Variants in INSIG1 observed in about 807,000 individuals in gnomAD.
The protein encoded by INSIG1 is insulin-induced gene 1 protein.
INSIG1 carries 14 observed loss-of-function variants against 26.5 expected under a neutral mutation model. The observed-to-expected ratio is 0.53, with a 90% confidence interval of 0.35 to 0.83. The LOEUF (loss-of-function observed/expected upper bound fraction) is 0.83, where lower values mean the gene tolerates loss of function less well. INSIG1 is among the 40% of genes least tolerant of loss of function. The pLI, the probability that INSIG1 is intolerant of heterozygous loss-of-function variation, is 0.01. For synonymous variants in INSIG1, 147 were observed against 153.3 expected (o/e 0.96, Z 0.30); for missense variants, 272 against 368.9 (o/e 0.74, Z 2.15).
rs780148704 is a variant in INSIG1, at chr7:155,308,293, A to C, written c.*23A>C. ...TGAGTCTTCAAAACCACCGATTCTG[A>C]GAGCAAGGAAGATTTTGGAAGAAAA... On this transcript the variant is annotated 3_prime_UTR_variant, in exon 6 of 6. Transcript: ENST00000340368. The C allele has an allele frequency of 6.2e-7, 1 of 1,612,848 alleles. No individual in the cohort carries two copies. Among genetic ancestry groups the C allele is most frequent in the Admixed American group, 1.7e-5 (1 of 59,996 alleles).
intron 5 of INSIG1, 88 bp from the exon 6 acceptor site, chr7:155,308,153 T>C: frequency 1.4e-6 from 1 of 694,364 alleles, no homozygotes; most frequent in Non-Finnish European, 2.5e-6. Context: ...ATCTTTCCCA[T>C]GTTAGGACCT....
chr7:155,306,071 C>T lies in INSIG1; in HGVS notation c.805-2170C>T, dbSNP rs529305167. Among the ~76,000 whole-genome samples the T allele has an allele frequency of 1.3e-3, 193 of 152,300 alleles. 1 individual carries two copies. The highest frequency in any genetic ancestry group is 4.4e-3 in the African/African-American group (184 of 41,562). On this transcript the variant is annotated intron_variant, in intron 5 of 5. Coordinates refer to ENST00000340368, the MANE Select transcript of INSIG1 (RefSeq NM_005542.6). ...AAAGTGCAGTGGCACAATCTTGGCT[C>T]ACTGCATTTGAACCGTCTCCCAGGT...
intron 5 of INSIG1, among the ~76,000 whole-genome samples, chr7:155,306,657 A>G (rs1447773041): frequency 6.6e-6 from 1 of 152,252 alleles, no homozygotes; most frequent in East Asian, 1.9e-4. Flanking sequence ...TCCTCATAAC[A>G]CAAGTCTTTG....
At chr7:155,303,201 G>A (rs1164170336) in intron 5 of INSIG1, among the ~76,000 whole-genome samples, 6 of 152,216 alleles carry the variant, frequency 3.9e-5, no homozygotes, top group African/African-American at 1.4e-4. Context: ...AGATCTGGAT[G>A]ACCTCATGCA....
rs1216029004 is a variant in INSIG1 at position 155,302,145 on chromosome 7, A to G, written c.538-106A>G. 2.5e-6 allele frequency: 2 copies of G among 814,862 alleles called. No individual in the cohort carries two copies. The highest frequency in any genetic ancestry group is 3.2e-5 in the Admixed American group (1 of 31,540). The allele number at this position is 814,862 out of a possible 1,614,324, so 50.5% of individuals were successfully genotyped here. On this transcript the variant is annotated intron_variant, in intron 3 of 5. Transcript: ENST00000340368. The surrounding 1 kb of genome is among the most constrained non-coding windows in gnomAD (Gnocchi z 4.3). ...ACACAGTTTTTATGGACAGTGAATT[A>G]TCTGTGGTACAATAATAAAATACCC...
intron 1 of INSIG1, 80 bp from the exon 2 acceptor site, chr7:155,298,179 G>A (rs1797672794): frequency 1.6e-6 from 2 of 1,221,838 alleles, no homozygotes; most frequent in Non-Finnish European, 2.1e-6. Flanking sequence ...CGCCTGGCCC[G>A]GGTGCCGGGG....
At position 155,301,691 on chromosome 7, in the gene INSIG1, G is replaced by A. The variant is rs778612897; in HGVS notation, c.537+1G>A. The A allele has an allele frequency of 1.3e-6, 2 of 1,555,780 alleles. No individual in the cohort carries two copies. Among genetic ancestry groups the A allele is most frequent in the Non-Finnish European group, 1.7e-6 (2 of 1,144,264 alleles). ...TGTTGGCATTAACCACGCCAGTGCT[G>A]TATCCTTAATTTTCTGTGCTACGTC... On this transcript the variant is annotated splice_donor_variant, in intron 3 of 5. Coordinates refer to ENST00000340368, the MANE Select transcript of INSIG1 (RefSeq NM_005542.6). LOFTEE classifies it high-confidence loss of function.
chr7:155,302,937 A>C lies in INSIG1; in HGVS notation c.804+91A>C. 1.1e-6 allele frequency: 1 copy of C among 878,586 alleles called. No homozygotes were observed. Among genetic ancestry groups the C allele is most frequent in the South Asian group, 1.5e-5 (1 of 67,490 alleles). 54.4% of individuals were successfully genotyped at this position (878,586 alleles called of 1,614,324 possible). Reference sequence around the variant, plus strand: ...ATGATACATTCAAATTTGCGTTCATATATTCTGGTTCAGACTTGAGTGACA... The same window carrying C: ...ATGATACATTCAAATTTGCGTTCATCTATTCTGGTTCAGACTTGAGTGACA... On this transcript the variant is annotated intron_variant, in intron 5 of 5. Transcript: ENST00000340368. The surrounding 1 kb of genome is among the most constrained non-coding windows in gnomAD (Gnocchi z 4.3).
chr7:155,300,558 A>C (rs539840317), intron 2 of INSIG1, among the ~76,000 whole-genome samples: 2 of 152,174 alleles, frequency 1.3e-5, no homozygotes, highest in East Asian at 3.8e-4. Flanking sequence ...GCCCTGGGAC[A>C]CAGTGACCCT....
chr7:155,300,926 G>A (rs1321450532), intron 2 of INSIG1, among the ~76,000 whole-genome samples: 2 of 152,232 alleles, frequency 1.3e-5, no homozygotes, highest in Non-Finnish European at 2.9e-5. Flanking sequence ...CGAAGCCTGT[G>A]TGGGGCTGTC....
At chr7:155,299,644 C>T (rs1797731680) in intron 2 of INSIG1, among the ~76,000 whole-genome samples, 1 of 152,178 alleles carries the variant, frequency 6.6e-6, no homozygotes, top group Non-Finnish European at 1.5e-5. Flanking sequence ...TCAGTGACTC[C>T]AGTGCAGTGC....
intron 2 of INSIG1, 70 bp downstream of exon 2, chr7:155,298,767 A>G: frequency 1.5e-6 from 2 of 1,368,900 alleles, no homozygotes; most frequent in Non-Finnish European, 1.0e-6. Context: ...TTTTCAGCCT[A>G]TAAGAAACAT....
Position 155,302,760 on chromosome 7 carries a change from G to C in INSIG1, c.718G>C (p.Asp240His). ...TTCTCGCTCCAGGTATACATCCCCA[G>C]ATTTCCTCTATATTCGTTCTTGGCT... ...YNGVYQYTSP[D>H]FLYIRSWLPC... The change falls in exon 5 of 6, where the codon GAT (aspartate) becomes CAT (histidine). Residue 240 changes from aspartate to histidine, a missense_variant. Coordinates refer to ENST00000340368, the MANE Select transcript of INSIG1 (RefSeq NM_005542.6). This position sits in a 1 kb window ranked among gnomAD's most constrained non-coding sequence, Gnocchi z 4.3. The C allele has an allele frequency of 6.2e-7, 1 of 1,610,242 alleles. No homozygotes were observed. The highest frequency in any genetic ancestry group is 8.5e-7 in the Non-Finnish European group (1 of 1,176,570).
Position 155,302,894 on chromosome 7 carries a change from T to C in INSIG1, c.804+48T>C, listed in dbSNP as rs1197284636. 2 of 1,249,570 alleles carry C rather than the reference T, an allele frequency of 1.6e-6. No individual in the cohort carries two copies. Among genetic ancestry groups the C allele is most frequent in the East Asian group, 2.3e-5 (1 of 43,200 alleles). 77.4% of individuals were successfully genotyped at this position (1,249,570 alleles called of 1,614,324 possible). A position where few individuals can be genotyped will look rare whatever the true frequency, so the allele number is the denominator to read the frequency against. On this transcript the variant is annotated intron_variant, in intron 5 of 5. Transcript: ENST00000340368. This position sits in a 1 kb window ranked among gnomAD's most constrained non-coding sequence, Gnocchi z 4.3. ...CTTCTAAAACTTGCGTCTCTTTACC[T>C]TGATAGAATGACTTTACATGATACA... is the stretch of plus-strand genomic sequence containing the variant.
At chr7:155,306,008 C>CT (rs1401738414) in intron 5 of INSIG1, among the ~76,000 whole-genome samples, 3 of 151,964 alleles carry the variant, frequency 2.0e-5, no homozygotes, top group Non-Finnish European at 4.4e-5. Context: ...TTTATTTTTA[C>CT]TTTTTTTGAG....
chr7:155,301,078 T>G (rs927992819), intron 2 of INSIG1, among the ~76,000 whole-genome samples: 3 of 152,174 alleles, frequency 2.0e-5, no homozygotes, highest in African/African-American at 7.2e-5. Context: ...TCAGCAAATA[T>G]GTATCTCATC....
Position 155,302,719 on chromosome 7 carries a change from T to G in INSIG1, c.705-28T>G. On this transcript the variant is annotated intron_variant, in intron 4 of 5. Coordinates refer to ENST00000340368, the MANE Select transcript of INSIG1 (RefSeq NM_005542.6). This position sits in a 1 kb window ranked among gnomAD's most constrained non-coding sequence, Gnocchi z 4.3. ...AATTGAGCCAGGTGAAATTGACTGC[T>G]AAGGTACAGTTTCTTTTCTCGCTCC... The G allele has an allele frequency of 6.8e-7, 1 of 1,463,400 alleles. No individual in the cohort carries two copies. Among genetic ancestry groups the G allele is most frequent in the Non-Finnish European group, 9.6e-7 (1 of 1,043,346 alleles). 90.7% of individuals were successfully genotyped at this position (1,463,400 alleles called of 1,614,324 possible).
chr7:155,306,196 C>T (rs892644731), intron 5 of INSIG1, among the ~76,000 whole-genome samples: 6 of 152,114 alleles, frequency 3.9e-5, no homozygotes, highest in East Asian at 3.8e-4. Flanking sequence ...GACGGGGTTT[C>T]GCCACGTTGG....
chr7:155,305,850 A>C (rs1457760964), intron 5 of INSIG1, among the ~76,000 whole-genome samples: 1 of 152,206 alleles, frequency 6.6e-6, no homozygotes, highest in Admixed American at 6.5e-5. Context: ...AAAAGTTACA[A>C]GTTGGCTTTG....
Sources: gnomAD v4.1 joint callset for allele counts (sites outside exome capture counted in the v4.1 genomes callset) on GRCh38, gnomAD v4.1.1 for gene constraint, Gnocchi (gnomAD v3.1) non-coding constraint, MANE v1.5 for transcripts, NCBI Gene and HGNC (gene_info 2026-07-23, HGNC 2026-07-21) for gene names.